The following PTPRO variants were observed in gnomAD, a reference collection of about 807,000 sequenced individuals.
PTPRO encodes the protein protein tyrosine phosphatase receptor type O, also known as receptor-type tyrosine-protein phosphatase O.
Under a neutral mutation model 145.2 loss-of-function variants are expected in PTPRO, and 62 were observed. The observed-to-expected ratio is 0.43, with a 90% confidence interval of 0.35 to 0.53. The LOEUF is 0.53. Ranked by LOEUF, PTPRO falls within the 20% of genes least tolerant of loss-of-function variation. PTPRO has a pLI of 0.01. For missense variants in PTPRO, 1,345 were observed against 1,482.7 expected, an observed-to-expected ratio of 0.91 and a Z score of 1.53; for synonymous variants, 565 against 514.7, an observed-to-expected ratio of 1.10 and a Z score of -1.32.
intron 1 of PTPRO, among the ~76,000 whole-genome samples, chr12:15,351,008 A>G (rs1334212816): frequency 1.3e-5 from 2 of 152,174 alleles, no homozygotes; most frequent in African/African-American, 4.8e-5. Context: ...GGCCTTGAAA[A>G]ACAAAATGGA....
chr12:15,509,718 G>GTAAAAAAC (rs1942399781), intron 7 of PTPRO, among the ~76,000 whole-genome samples: 2 of 150,844 alleles, frequency 1.3e-5, no homozygotes, highest in Non-Finnish European at 3.0e-5. Flanking sequence ...AGAATATAAA[G>GTAAAAAAC]TAAAAAACTA....
chr12:15,422,655 G>A (rs1000924812), intron 1 of PTPRO, among the ~76,000 whole-genome samples: 4 of 152,134 alleles, frequency 2.6e-5, no homozygotes, highest in East Asian at 1.9e-4. Flanking sequence ...GCTACAAAGC[G>A]ACCATGTAGA....
intron 2 of PTPRO, among the ~76,000 whole-genome samples, chr12:15,488,889 C>T (rs550998318): frequency 1.1e-4 from 17 of 152,104 alleles, no homozygotes; most frequent in East Asian, 9.7e-4. Context: ...TTTCTCAGCA[C>T]GTAAAAGGAT....
At chr12:15,478,114 A>G (rs253839) in intron 1 of PTPRO, among the ~76,000 whole-genome samples, 3,016 of 152,262 alleles carry the variant, frequency 0.02, 116 homozygotes, top group East Asian at 0.14. Flanking sequence ...GACACTGACA[A>G]AGCAAAGTTG....
chr12:15,557,382 C>T, intron 15 of PTPRO, 73 bp from the exon 16 acceptor site: 1 of 1,295,436 alleles, frequency 7.7e-7, no homozygotes, highest in East Asian at 2.3e-5. Flanking sequence ...GGTAAAGACT[C>T]TCTTTACTTT....
chr12:15,417,599 C>T (rs1298321534), intron 1 of PTPRO, among the ~76,000 whole-genome samples: 1 of 151,686 alleles, frequency 6.6e-6, no homozygotes, highest in Non-Finnish European at 1.5e-5. Flanking sequence ...TCAGAATCTG[C>T]ATTTTTAACA....
intron 12 of PTPRO, among the ~76,000 whole-genome samples, chr12:15,534,543 T>G (rs1943028568): frequency 6.6e-6 from 1 of 152,146 alleles, no homozygotes. Context: ...TGTACAGTGC[T>G]CTACAACAGG....
chr12:15,463,739 C>T (rs1941356008), intron 1 of PTPRO, among the ~76,000 whole-genome samples: 1 of 152,104 alleles, frequency 6.6e-6, no homozygotes, highest in South Asian at 2.1e-4. Flanking sequence ...TTTCATGCTT[C>T]TCTTCCTACT....
intron 1 of PTPRO, among the ~76,000 whole-genome samples, chr12:15,362,435 T>G (rs1938238628): frequency 6.6e-6 from 1 of 152,254 alleles, no homozygotes; most frequent in Admixed American, 6.5e-5. Context: ...ATTCCATTAT[T>G]ACAAGTTCAT....
At chr12:15,438,765 A>C (rs967632778) in intron 1 of PTPRO, among the ~76,000 whole-genome samples, 8 of 152,170 alleles carry the variant, frequency 5.3e-5, no homozygotes, top group Non-Finnish European at 1.2e-4. Context: ...AAAAAAACAA[A>C]CAACCTGGAA....
chr12:15,433,786 G>A (rs1940519438), intron 1 of PTPRO, among the ~76,000 whole-genome samples: 1 of 152,182 alleles, frequency 6.6e-6, no homozygotes, highest in East Asian at 1.9e-4. Context: ...AAATTGGGTA[G>A]CGTGATGCCT....
chr12:15,496,134 C>CTTTTTTT (rs1349321752), intron 2 of PTPRO, among the ~76,000 whole-genome samples: 9 of 93,132 alleles, frequency 9.7e-5, no homozygotes, highest in Non-Finnish European at 1.6e-4. Flanking sequence ...TTTTTCTTTT[C>CTTTTTTT]TTTTTTTGTT....
chr12:15,476,262 T>C (rs1475722095), intron 1 of PTPRO, among the ~76,000 whole-genome samples: 2 of 152,058 alleles, frequency 1.3e-5, no homozygotes, highest in Admixed American at 6.6e-5. Flanking sequence ...AACCGACATA[T>C]TACTTGTGTT....
chr12:15,589,510 A>G lies in PTPRO; in HGVS notation c.3466A>G (p.Ile1156Val). The G allele has an allele frequency of 1.2e-6, 2 of 1,614,152 alleles. No individual in the cohort carries two copies. The highest frequency in any genetic ancestry group is 1.7e-6 in the Non-Finnish European group (2 of 1,180,004). Residue 1156 changes from isoleucine (I) to valine (V), a missense_variant, in exon 25 of 27, where the codon ATT (isoleucine) becomes GTT (valine). Physicochemically the swap from Ile to Val is conservative, Grantham distance 29. Transcript: ENST00000281171. The stretch of plus-strand genomic sequence containing the variant: ...TGCCCTGGACAGGCTCTTGCAGCAC[A>G]TTCGGGATCATGAGTTTGTTGACAT... ...FIALDRLLQH[I>V]RDHEFVDILG...
At chr12:15,589,847 C>A (rs1213259470) in intron 25 of PTPRO, among the ~76,000 whole-genome samples, 1 of 152,130 alleles carries the variant, frequency 6.6e-6, no homozygotes, top group Non-Finnish European at 1.5e-5. Context: ...AAGAGTAAAA[C>A]CTCTTTGAAC....
At chr12:15,413,157 C>A (rs1287601513) in intron 1 of PTPRO, among the ~76,000 whole-genome samples, 1 of 152,168 alleles carries the variant, frequency 6.6e-6, no homozygotes, top group Non-Finnish European at 1.5e-5. Flanking sequence ...GTGGCACCAT[C>A]TTGGCTCACT....
rs11056488 is a variant in PTPRO at position 15,439,539 on chromosome 12, G to T, written c.76-44435G>T. The T allele has an allele frequency of 6.0e-3, 1,466 of 246,156 alleles. 75 individuals are homozygous for T. The East Asian group carries it at 0.13, about 22-fold the overall frequency. 15.2% of individuals were successfully genotyped at this position (246,156 alleles called of 1,614,324 possible). A position where few individuals can be genotyped will look rare whatever the true frequency, so the allele number is the denominator to read the frequency against. ...AAGAAAACACCAAATAGCAGATGACGCTGGTGGAGCGAGGGGGCCCGGAGG... is the reference window on the plus strand; with the variant it reads ...AAGAAAACACCAAATAGCAGATGACTCTGGTGGAGCGAGGGGGCCCGGAGG... On this transcript the variant is annotated intron_variant, in intron 1 of 26. Transcript: ENST00000281171.
intron 24 of PTPRO, among the ~76,000 whole-genome samples, chr12:15,587,972 TCC>T (rs1439559074): frequency 1.3e-5 from 2 of 152,222 alleles, no homozygotes; most frequent in African/African-American, 4.8e-5. Context: ...AGTGTGTGTC[TCC>T]CTGGAAAGGA....
At chr12:15,401,463 T>A (rs1361418091) in intron 1 of PTPRO, among the ~76,000 whole-genome samples, 1 of 152,224 alleles carries the variant, frequency 6.6e-6, no homozygotes, top group Admixed American at 6.5e-5. Context: ...TACCTCTTTG[T>A]CTAAAATATA....
Sources: allele counts gnomAD v4.1 joint callset (sites outside exome capture counted in the v4.1 genomes callset), GRCh38; gene constraint gnomAD v4.1.1; transcripts MANE v1.5; gene names NCBI Gene and HGNC (gene_info 2026-07-23, HGNC 2026-07-21).